RCC2: variants seen among roughly 807,000 people sequenced by gnomAD.
RCC2 encodes the protein protein RCC2.
Under a neutral mutation model 64.1 loss-of-function variants are expected in RCC2, and 19 were observed. That is an observed-to-expected ratio of 0.30 (90% CI 0.21 to 0.44). RCC2 has a LOEUF of 0.44. RCC2 is among the 20% of genes least tolerant of loss of function. RCC2 has a pLI of 1.00. For missense variants in RCC2, 508 were observed against 710.4 expected (o/e 0.72, Z 3.24); for synonymous variants, 325 against 279.6 (o/e 1.16, Z -1.62).
rs1286398028 is a variant in RCC2 at position 17,429,175 on chromosome 1, C to G, written c.310G>C (p.Gly104Arg). ...RVKLEGSKCK[G>R]QLLIFGATNW... ...GTTGCCCCAAAAATCAAAAGCTGCCCTTTGCACTTTGACCCTTCAAGTTTC... is the reference window on the plus strand; with the variant it reads ...GTTGCCCCAAAAATCAAAAGCTGCCGTTTGCACTTTGACCCTTCAAGTTTC... The change falls in exon 3 of 13, where the codon GGG (glycine) becomes CGG (arginine). Residue 104 changes from glycine to arginine, a missense_variant. Gly to Arg is a moderately radical substitution (Grantham distance 125, BLOSUM62 -2). This residue lies in a region of RCC2 where 132 missense variants were observed against 207.3 expected (regional missense o/e 0.64). Coordinates refer to ENST00000375436, the MANE Select transcript of RCC2 (RefSeq NM_018715.4). The G allele has an allele frequency of 6.2e-7, 1 of 1,614,036 alleles. No homozygotes were observed. The highest frequency in any genetic ancestry group is 8.5e-7 in the Non-Finnish European group (1 of 1,180,008).
intron 3 of RCC2, 46 bp from the exon 4 acceptor site, chr1:17,425,730 G>A (rs774535324): frequency 5.8e-6 from 9 of 1,562,260 alleles, no homozygotes; most frequent in African/African-American, 1.4e-5. Flanking sequence ...GGGTGGTGGG[G>A]TGACCTCCAA....
chr1:17,414,555 A>AAC (rs995658599), intron 8 of RCC2, among the ~76,000 whole-genome samples: 13 of 151,000 alleles, frequency 8.6e-5, no homozygotes, highest in Admixed American at 4.0e-4. Flanking sequence ...AACGAAACAA[A>AAC]AAAAAAAACA....
At position 17,429,522 on chromosome 1, in the gene RCC2, G is replaced by A. The variant is rs139535838; in HGVS notation, c.286-323C>T. Among the ~76,000 whole-genome samples, 198 of 152,232 alleles carry A rather than the reference G, an allele frequency of 1.3e-3. 1 individual carries two copies. The highest frequency in any genetic ancestry group is 8.1e-3 in the South Asian group (39 of 4,824). On this transcript the variant is annotated intron_variant, in intron 2 of 12. Coordinates refer to ENST00000375436, the MANE Select transcript of RCC2 (RefSeq NM_018715.4). ...CTCCTTCGCAAACTGATGTACAGAG[G>A]TATTTGCAGGAAGCCTGCCGGACAC...
chr1:17,409,029 A>C lies in RCC2; in HGVS notation c.*61T>G. 3.3e-6 allele frequency: 4 copies of C among 1,196,196 alleles called. No individual in the cohort carries two copies. Among genetic ancestry groups the C allele is most frequent in the Non-Finnish European group, 5.0e-6 (4 of 799,710 alleles). 74.1% of individuals were successfully genotyped at this position (1,196,196 alleles called of 1,614,324 possible). On this transcript the variant is annotated 3_prime_UTR_variant, in exon 13 of 13. Transcript: ENST00000375436. ...AATTCCTCGTTTGACTTCCCGTCCC[A>C]GTGCACATGGAAATGACAGCTGCCG...
intron 2 of RCC2, among the ~76,000 whole-genome samples, chr1:17,436,782 C>T (rs557466742): frequency 6.6e-6 from 1 of 152,208 alleles, no homozygotes; most frequent in African/African-American, 2.4e-5. Context: ...ATACAGGAGA[C>T]GCGGAAGCTC....
At chr1:17,417,487 G>A (rs1323705961) in intron 7 of RCC2, among the ~76,000 whole-genome samples, 5 of 152,172 alleles carry the variant, frequency 3.3e-5, no homozygotes, top group Non-Finnish European at 5.9e-5. Context: ...GGCCAACACA[G>A]TGAAGGCCTG....
chr1:17,433,899 C>G (rs1010031105), intron 2 of RCC2, among the ~76,000 whole-genome samples: 1 of 152,152 alleles, frequency 6.6e-6, no homozygotes, highest in Non-Finnish European at 1.5e-5. Context: ...TCAACTGAAA[C>G]AGACTTCCGG....
chr1:17,417,060 C>T (rs1287630929), intron 7 of RCC2, among the ~76,000 whole-genome samples: 1 of 152,146 alleles, frequency 6.6e-6, no homozygotes, highest in Non-Finnish European at 1.5e-5. Context: ...GATCTCTACC[C>T]CACTGGAGGG....
At chr1:17,438,550 A>C in intron 1 of RCC2, 28 bp from the exon 2 acceptor site, 3 of 1,303,044 alleles carry the variant, frequency 2.3e-6, no homozygotes, top group Non-Finnish European at 2.9e-6. Flanking sequence ...GCAGCGGCGC[A>C]CAATGGACGG....
chr1:17,419,625 T>C (rs2075528842), intron 7 of RCC2, among the ~76,000 whole-genome samples: 1 of 152,242 alleles, frequency 6.6e-6, no homozygotes, highest in Non-Finnish European at 1.5e-5. Flanking sequence ...ACAAAGTGCT[T>C]ACATGGTGCC....
Position 17,429,096 on chromosome 1 carries a change from A to G in RCC2, c.379+10T>C. The G allele has an allele frequency of 8.7e-6, 14 of 1,611,050 alleles. No individual in the cohort carries two copies. The highest frequency in any genetic ancestry group is 1.2e-5 in the Non-Finnish European group (14 of 1,177,202). On this transcript the variant is annotated intron_variant, in intron 3 of 12. Coordinates refer to ENST00000375436, the MANE Select transcript of RCC2 (RefSeq NM_018715.4). The stretch of plus-strand genomic sequence containing the variant: ...GCACTCAATGGGTTTTTGAGGCACC[A>G]TTCTCATACCTTGCTGTTTAGGCAC...
chr1:17,433,657 C>T (rs2100394928), intron 2 of RCC2, among the ~76,000 whole-genome samples: 1 of 152,344 alleles, frequency 6.6e-6, no homozygotes, highest in East Asian at 1.9e-4. Flanking sequence ...AACTTGGTCA[C>T]ATAACCTGGG....
intron 11 of RCC2, among the ~76,000 whole-genome samples, chr1:17,411,386 GC>G (rs1379134342): frequency 6.6e-6 from 1 of 152,122 alleles, no homozygotes; most frequent in Admixed American, 6.6e-5. Context: ...AGACAGCCTG[GC>G]CAACATGGTG....
intron 8 of RCC2, among the ~76,000 whole-genome samples, 167 bp from the exon 9 acceptor site, chr1:17,413,884 A>G (rs919601777): frequency 6.6e-6 from 1 of 152,164 alleles, no homozygotes; most frequent in African/African-American, 2.4e-5. Flanking sequence ...TAATCCCAAC[A>G]CTTTGGGAGG....
intron 12 of RCC2, 133 bp downstream of exon 12, chr1:17,409,841 G>GT (rs2075405804): frequency 2.6e-6 from 2 of 775,440 alleles, no homozygotes; most frequent in East Asian, 5.2e-5. Flanking sequence ...AAATCTTAGC[G>GT]TGAGACACCA....
intron 3 of RCC2, 21 bp from the exon 4 acceptor site, chr1:17,425,705 C>A (rs537347985): frequency 2.5e-6 from 4 of 1,591,860 alleles, no homozygotes; most frequent in East Asian, 2.3e-5. Flanking sequence ...AATGAGAATG[C>A]AGATCAGACA....
At chr1:17,415,959 C>G (rs566782651) in intron 8 of RCC2, among the ~76,000 whole-genome samples, 1 of 151,460 alleles carries the variant, frequency 6.6e-6, no homozygotes, top group African/African-American at 2.4e-5. Flanking sequence ...ATCCCAGCTA[C>G]TCGGGAGGCT....
At chr1:17,429,040 C>G in intron 3 of RCC2, 66 bp downstream of exon 3, 1 of 1,211,168 alleles carries the variant, frequency 8.3e-7, no homozygotes, top group Middle Eastern at 1.9e-4. Context: ...ACCTACCAGG[C>G]AGGTGGTCAA....
rs1570221442 is a variant in RCC2, at chr1:17,439,564, A to G, written c.-28T>C. On this transcript the variant is annotated 5_prime_UTR_variant, in exon 1 of 13. Coordinates refer to ENST00000375436, the MANE Select transcript of RCC2 (RefSeq NM_018715.4). ...CCCTACCTGGTTGGAGTGATGAGAA[A>G]CCGGAGAGAAAAAAGGAAGAGAAGC... 6.7e-6 allele frequency: 1 copy of G among 148,496 alleles called. No individual in the cohort carries two copies. The highest frequency in any genetic ancestry group is 1.5e-5 in the Non-Finnish European group (1 of 67,168). 9.2% of individuals were successfully genotyped at this position (148,496 alleles called of 1,614,324 possible). A position where few individuals can be genotyped will look rare whatever the true frequency, so the allele number is the denominator to read the frequency against.
Sources: allele counts gnomAD v4.1 joint callset (sites outside exome capture counted in the v4.1 genomes callset), GRCh38; gene constraint gnomAD v4.1.1; regional missense constraint gnomAD v4.1.1; transcripts MANE v1.5; gene names NCBI Gene and HGNC (gene_info 2026-07-23, HGNC 2026-07-21).